Variants in DCDC1 observed in about 807,000 individuals in gnomAD.
DCDC1 encodes doublecortin domain-containing protein 1.
A neutral mutation model predicts 178.3 loss-of-function variants in DCDC1; 200 were observed. The ratio of observed to expected loss-of-function variants is 1.12; its 90% confidence interval spans 1.00 to 1.26. The LOEUF (loss-of-function observed/expected upper bound fraction) is 1.26, where lower values mean the gene tolerates loss of function less well. Ranked by LOEUF, DCDC1 falls within the 50% of genes most tolerant of loss-of-function variation. The pLI is 0.00. For synonymous variants in DCDC1, 690 were observed against 604.8 expected, an observed-to-expected ratio of 1.14 and a Z score of -2.07; for missense variants, 1,983 against 1,749.2, an observed-to-expected ratio of 1.13 and a Z score of -2.38.
At chr11:31,149,052 G>C (rs527851487) in intron 9 of DCDC1, among the ~76,000 whole-genome samples, 1 of 152,266 alleles carries the variant, frequency 6.6e-6, no homozygotes, top group South Asian at 2.1e-4. Context: ...CTCCGTCCAA[G>C]CTGCTGCAAA....
chr11:30,935,455 C>T (rs1165787589), intron 21 of DCDC1, among the ~76,000 whole-genome samples: 1 of 152,186 alleles, frequency 6.6e-6, no homozygotes, highest in East Asian at 1.9e-4. Flanking sequence ...GGAGTAGGCC[C>T]CTGCCAGTTT....
At chr11:31,021,594 A>AT (rs980224144) in intron 20 of DCDC1, among the ~76,000 whole-genome samples, 3 of 152,126 alleles carry the variant, frequency 2.0e-5, no homozygotes, top group Non-Finnish European at 4.4e-5. Flanking sequence ...AAGGGGAGTG[A>AT]TTTTTTGGTG....
At chr11:30,928,746 A>G (rs1014332017) in intron 22 of DCDC1, among the ~76,000 whole-genome samples, 2 of 147,512 alleles carry the variant, frequency 1.4e-5, no homozygotes, top group Admixed American at 1.4e-4. Flanking sequence ...TATTACATAA[A>G]TATTTATACT....
chr11:31,016,839 C>G (rs1952509725), intron 20 of DCDC1, among the ~76,000 whole-genome samples: 1 of 152,104 alleles, frequency 6.6e-6, no homozygotes, highest in Non-Finnish European at 1.5e-5. Flanking sequence ...CTCCCCACAC[C>G]AGGTGATTCT....
chr11:30,980,146 T>C (rs1950318662), intron 20 of DCDC1, among the ~76,000 whole-genome samples: 1 of 152,194 alleles, frequency 6.6e-6, no homozygotes, highest in Non-Finnish European at 1.5e-5. Flanking sequence ...TTTGTCCACT[T>C]TGTTTCAGTA....
intron 9 of DCDC1, among the ~76,000 whole-genome samples, chr11:31,207,520 C>T (rs1972003456): frequency 6.6e-6 from 1 of 152,156 alleles, no homozygotes; most frequent in Admixed American, 6.5e-5. Context: ...TACCAGCACA[C>T]CTGCATGTGT....
At chr11:30,953,272 A>G (rs925416790) in intron 20 of DCDC1, among the ~76,000 whole-genome samples, 1 of 148,470 alleles carries the variant, frequency 6.7e-6, no homozygotes, top group Non-Finnish European at 1.5e-5. Context: ...TAATTACATT[A>G]TATATAAGTA....
chr11:30,872,591 T>C (rs1941685465), intron 38 of DCDC1, among the ~76,000 whole-genome samples: 1 of 152,154 alleles, frequency 6.6e-6, no homozygotes, highest in Non-Finnish European at 1.5e-5. Context: ...CTTCCTTTGG[T>C]AGCTTGAGCA....
At chr11:31,291,690 T>C (rs1186115189) in intron 6 of DCDC1, among the ~76,000 whole-genome samples, 2 of 152,152 alleles carry the variant, frequency 1.3e-5, no homozygotes, top group Non-Finnish European at 2.9e-5. Flanking sequence ...TCATATTTTC[T>C]TCTTACATAA....
chr11:31,020,382 G>C (rs1036906519), intron 20 of DCDC1, among the ~76,000 whole-genome samples: 3 of 151,886 alleles, frequency 2.0e-5, no homozygotes, highest in Non-Finnish European at 4.4e-5. Flanking sequence ...TCATGCTCTA[G>C]AAAATTCTAG....
At chr11:31,142,364 A>G (rs778802816) in intron 9 of DCDC1, among the ~76,000 whole-genome samples, 1 of 152,204 alleles carries the variant, frequency 6.6e-6, no homozygotes, top group Non-Finnish European at 1.5e-5. Flanking sequence ...AAAAGTTTGA[A>G]TGTATAAAAT....
At chr11:30,984,879 A>C (rs1357418196) in intron 20 of DCDC1, among the ~76,000 whole-genome samples, 1 of 152,192 alleles carries the variant, frequency 6.6e-6, no homozygotes, top group Admixed American at 6.5e-5. Context: ...GAGAAGGAGA[A>C]AACTGGGAAT....
chr11:31,354,547 G>T (rs1951234577), intron 1 of DCDC1, among the ~76,000 whole-genome samples: 1 of 152,138 alleles, frequency 6.6e-6, no homozygotes. Context: ...TTTAACTGGG[G>T]GCATGAATAT....
intron 22 of DCDC1, among the ~76,000 whole-genome samples, chr11:30,926,487 T>C (rs1946598598): frequency 6.6e-6 from 1 of 152,090 alleles, no homozygotes; most frequent in South Asian, 2.1e-4. Flanking sequence ...GGCTGGAGCC[T>C]AGACAGCAAG....
chr11:30,894,300 G>C lies in DCDC1; in HGVS notation c.4850C>G (p.Thr1617Ser). The C allele has an allele frequency of 6.2e-7, 1 of 1,613,764 alleles. No homozygotes were observed. Among genetic ancestry groups the C allele is most frequent in the Non-Finnish European group, 8.5e-7 (1 of 1,179,788 alleles). The change falls in exon 35 of 39, where the codon ACC (threonine) becomes AGC (serine). Residue 1617 changes from threonine (T) to serine (S), a missense_variant. By Grantham distance (58) the Thr-to-Ser change is moderately conservative. Coordinates refer to ENST00000684477, the MANE Select transcript of DCDC1 (RefSeq NM_001387274.1). ...VQPVVVEGGW[T>S]EQTQQEIKLM... is the part of the protein sequence containing the mutation. ...TTTAATTTCCTGTTGAGTCTGTTCG[G>C]TCCAGCCTCCTTCAACCACCACGGG...
At chr11:30,989,916 C>T (rs1950878035) in intron 20 of DCDC1, among the ~76,000 whole-genome samples, 1 of 152,048 alleles carries the variant, frequency 6.6e-6, no homozygotes, top group Non-Finnish European at 1.5e-5. Context: ...AGGGAAGACT[C>T]GTGTCTTAAT....
At chr11:31,348,586 C>T (rs1950923092) in intron 1 of DCDC1, among the ~76,000 whole-genome samples, 1 of 152,168 alleles carries the variant, frequency 6.6e-6, no homozygotes, top group South Asian at 2.1e-4. Flanking sequence ...GTTACCTCCA[C>T]CAATGCTGAA....
chr11:30,924,873 G>A (rs1946495536), intron 23 of DCDC1, among the ~76,000 whole-genome samples: 1 of 152,038 alleles, frequency 6.6e-6, no homozygotes. Flanking sequence ...AGGAGTGTGA[G>A]ACCAGCCTGA....
At chr11:31,012,428 T>C (rs866640035) in intron 20 of DCDC1, among the ~76,000 whole-genome samples, 13 of 151,932 alleles carry the variant, frequency 8.6e-5, no homozygotes, top group Non-Finnish European at 8.8e-5. Context: ...CAGTGAGACC[T>C]CATCTCTACA....
Sources: allele counts gnomAD v4.1 joint callset (sites outside exome capture counted in the v4.1 genomes callset), GRCh38; gene constraint gnomAD v4.1.1; transcripts MANE v1.5; gene names NCBI Gene and HGNC (gene_info 2026-07-23, HGNC 2026-07-21).